SPPL3: variants seen among roughly 807,000 people sequenced by gnomAD.
The protein encoded by SPPL3 is signal peptide peptidase like 3, also known as signal peptide peptidase-like 3.
Under a neutral mutation model 42.4 loss-of-function variants are expected in SPPL3, and 5 were observed. That is an observed-to-expected ratio of 0.12 (90% CI 0.06 to 0.25). SPPL3 has a LOEUF of 0.25. Among genes scored for constraint, SPPL3 ranks in the 10% least tolerant of loss-of-function variants. The probability of loss-of-function intolerance (pLI) is 1.00; values close to 1 mark genes in which losing one functional copy is unlikely to be tolerated. For synonymous variants in SPPL3, 195 were observed against 181.8 expected (o/e 1.07, Z -0.58); for missense variants, 235 against 489.0 (o/e 0.48, Z 4.90).
intron 1 of SPPL3, chr12:120,901,772 GAAGT>G (rs1402561023): frequency 2.2e-6 from 1 of 463,562 alleles, no homozygotes; most frequent in Admixed American, 6.4e-5. Flanking sequence ...GACATTGAAG[GAAGT>G]ATTTTAGTAG....
chr12:120,769,725 G>GT (rs1869045565), intron 6 of SPPL3: 1 of 151,978 alleles, frequency 6.6e-6, no homozygotes, highest in African/African-American at 2.4e-5. Context: ...TAATTTTTGT[G>GT]TTTTTAGTAG....
intron 1 of SPPL3, among the ~76,000 whole-genome samples, chr12:120,878,175 A>G (rs1873167415): frequency 6.6e-6 from 1 of 152,224 alleles, no homozygotes; most frequent in Non-Finnish European, 1.5e-5. Flanking sequence ...AACAAAAAGT[A>G]TAAAATATTT....
chr12:120,855,086 C>T (rs1277022122), intron 1 of SPPL3, among the ~76,000 whole-genome samples: 2 of 152,042 alleles, frequency 1.3e-5, no homozygotes, highest in Admixed American at 6.6e-5. Flanking sequence ...AACTCATTAT[C>T]CCTCCAGCCA....
intron 1 of SPPL3, among the ~76,000 whole-genome samples, chr12:120,813,698 TA>T (rs1464105788): frequency 6.6e-6 from 1 of 151,936 alleles, no homozygotes; most frequent in Non-Finnish European, 1.5e-5. Flanking sequence ...GGGAGTCCAT[TA>T]GGCTGAGATG....
At chr12:120,788,300 G>T (rs892739996) in intron 3 of SPPL3, among the ~76,000 whole-genome samples, 1 of 152,164 alleles carries the variant, frequency 6.6e-6, no homozygotes, top group African/African-American at 2.4e-5. Context: ...TGGCAGGCCT[G>T]ATCAACTCTT....
intron 1 of SPPL3, among the ~76,000 whole-genome samples, chr12:120,823,423 G>A (rs1481962352): frequency 1.3e-5 from 2 of 152,062 alleles, no homozygotes; most frequent in Admixed American, 6.6e-5. Context: ...ACTTAATCTA[G>A]TAACACTTCA....
chr12:120,765,972 G>A (rs1376130342), intron 10 of SPPL3, among the ~76,000 whole-genome samples: 2 of 152,214 alleles, frequency 1.3e-5, no homozygotes, highest in African/African-American at 4.8e-5. Flanking sequence ...AGTACCCTCA[G>A]CTGGGCTCTG....
At chr12:120,805,536 CAA>C (rs1453235823) in intron 2 of SPPL3, among the ~76,000 whole-genome samples, 5 of 152,184 alleles carry the variant, frequency 3.3e-5, no homozygotes, top group Non-Finnish European at 7.4e-5. Flanking sequence ...GGGAAAAAGA[CAA>C]AGTCTTTCAG....
Position 120,785,617 on chromosome 12 carries a change from G to A in SPPL3, c.191-1024C>T, listed in dbSNP as rs375942384. ...ACTTCCAAATTAACTCTATTGAGAT[G>A]TCATAAAAGCGCACAAAAGGAATCA... On this transcript the variant is annotated intron_variant, in intron 3 of 10. Coordinates refer to ENST00000353487, the MANE Select transcript of SPPL3 (RefSeq NM_139015.5). Among the ~76,000 whole-genome samples the A allele has an allele frequency of 1.3e-3, 190 of 152,000 alleles. 3 individuals carry two copies. In the South Asian group the frequency reaches 0.033, roughly 26 times the overall value.
At chr12:120,771,418 GCTC>G (rs2136968954) in intron 6 of SPPL3, among the ~76,000 whole-genome samples, 2 of 152,278 alleles carry the variant, frequency 1.3e-5, no homozygotes, top group African/African-American at 4.8e-5. Flanking sequence ...AACTGGCTCC[GCTC>G]CTCGTCTTTC....
intron 2 of SPPL3, among the ~76,000 whole-genome samples, chr12:120,804,793 C>T (rs774360753): frequency 6.6e-6 from 1 of 152,060 alleles, no homozygotes; most frequent in East Asian, 1.9e-4. Context: ...GAAACTTGTA[C>T]ACAAATGTTC....
At chr12:120,895,357 G>A (rs1196079254) in intron 1 of SPPL3, among the ~76,000 whole-genome samples, 2 of 151,602 alleles carry the variant, frequency 1.3e-5, no homozygotes, top group South Asian at 2.1e-4. Flanking sequence ...AACCCAGGAG[G>A]TAGAGGTTGC....
intron 1 of SPPL3, among the ~76,000 whole-genome samples, chr12:120,881,791 A>C (rs1873292944): frequency 7.8e-6 from 1 of 128,706 alleles, no homozygotes; most frequent in African/African-American, 3.0e-5. Flanking sequence ...TAAGTGAAAA[A>C]GCCAATAACA....
At chr12:120,900,313 A>T (rs1427676910) in intron 1 of SPPL3, among the ~76,000 whole-genome samples, 2 of 146,576 alleles carry the variant, frequency 1.4e-5, no homozygotes, top group African/African-American at 5.0e-5. Context: ...AAATCTGTTT[A>T]AAAAAAAAAA....
intron 2 of SPPL3, among the ~76,000 whole-genome samples, chr12:120,807,285 C>G (rs866676828): frequency 6.6e-6 from 1 of 152,096 alleles, no homozygotes; most frequent in African/African-American, 2.4e-5. Flanking sequence ...AAAGCCCTTA[C>G]CTGTCACCGA....
At chr12:120,886,058 G>T (rs940701193) in intron 1 of SPPL3, among the ~76,000 whole-genome samples, 1 of 151,346 alleles carries the variant, frequency 6.6e-6, no homozygotes, top group Non-Finnish European at 1.5e-5. Flanking sequence ...GGTCAGGCTG[G>T]TCTCGAACTC....
chr12:120,861,398 G>A (rs1872614862), intron 1 of SPPL3, among the ~76,000 whole-genome samples: 1 of 152,146 alleles, frequency 6.6e-6, no homozygotes, highest in African/African-American at 2.4e-5. Flanking sequence ...TTCTCCAAAA[G>A]GACAGATCCT....
chr12:120,858,715 C>A (rs998467195), intron 1 of SPPL3, among the ~76,000 whole-genome samples: 3 of 151,892 alleles, frequency 2.0e-5, no homozygotes, highest in Admixed American at 1.3e-4. Context: ...CAAAGAAGAT[C>A]CAAAATGTAT....
intron 2 of SPPL3, among the ~76,000 whole-genome samples, chr12:120,797,283 T>A (rs765312720): frequency 6.6e-6 from 1 of 152,114 alleles, no homozygotes. Context: ...CTCTGTTCTA[T>A]TAACTCTAGC....
Sources: gnomAD v4.1 joint callset for allele counts (sites outside exome capture counted in the v4.1 genomes callset) on GRCh38, gnomAD v4.1.1 for gene constraint, MANE v1.5 for transcripts, NCBI Gene and HGNC (gene_info 2026-07-23, HGNC 2026-07-21) for gene names.